The following CDH18 variants were observed in gnomAD, a reference collection of about 807,000 sequenced individuals.
CDH18 encodes cadherin-18.
Under a neutral mutation model 67.9 loss-of-function variants are expected in CDH18, and 31 were observed. The observed-to-expected ratio is 0.46, with a 90% CI of 0.34 to 0.62. CDH18 has a LOEUF of 0.62. Ranked by LOEUF, CDH18 falls within the 20% of genes least tolerant of loss-of-function variation. The probability of loss-of-function intolerance (pLI) is 0.01; values close to 1 mark genes in which losing one functional copy is unlikely to be tolerated. For missense variants in CDH18, 890 were observed against 975.5 expected (o/e 0.91, Z 1.17); for synonymous variants, 362 against 347.2 (o/e 1.04, Z -0.48).
At chr5:19,838,629 T>C in intron 3 of CDH18, 130 bp downstream of exon 3, 1 of 630,106 alleles carries the variant, frequency 1.6e-6, no homozygotes, top group Non-Finnish European at 2.8e-6. Context: ...TAGTAGTTTC[T>C]ATAGCGTAAT....
At chr5:20,170,467 A>T (rs1736610445) in intron 2 of CDH18, among the ~76,000 whole-genome samples, 1 of 152,118 alleles carries the variant, frequency 6.6e-6, no homozygotes, top group Admixed American at 6.6e-5. Context: ...TGGTAAAATT[A>T]AACTATCAGA....
intron 2 of CDH18, among the ~76,000 whole-genome samples, chr5:20,153,911 AC>A (rs1162229987): frequency 6.6e-6 from 1 of 152,164 alleles, no homozygotes; most frequent in East Asian, 1.9e-4. Context: ...GTAGGAGGAA[AC>A]CAGTCCATAA....
chr5:19,859,473 A>T (rs1391826250), intron 2 of CDH18, among the ~76,000 whole-genome samples: 1 of 151,840 alleles, frequency 6.6e-6, no homozygotes, highest in Admixed American at 6.6e-5. Context: ...CACATTCTGT[A>T]GAGAATCTCC....
intron 2 of CDH18, among the ~76,000 whole-genome samples, chr5:20,048,213 C>T (rs1281776377): frequency 1.3e-5 from 2 of 150,994 alleles, no homozygotes; most frequent in South Asian, 2.1e-4. Flanking sequence ...TACAATGGTG[C>T]CATATTTTCA....
intron 1 of CDH18, among the ~76,000 whole-genome samples, chr5:20,256,211 T>C (rs1009068039): frequency 2.6e-5 from 4 of 152,022 alleles, no homozygotes; most frequent in Non-Finnish European, 5.9e-5. Context: ...GATCGAAGTG[T>C]TAACATTGGA....
At chr5:20,446,434 A>G (rs1231418026) in intron 1 of CDH18, among the ~76,000 whole-genome samples, 1 of 152,108 alleles carries the variant, frequency 6.6e-6, no homozygotes, top group African/African-American at 2.4e-5. Flanking sequence ...GGGATCAAGA[A>G]CAAAGTCTGC....
chr5:20,320,934 T>C (rs994674572), intron 1 of CDH18, among the ~76,000 whole-genome samples: 1 of 152,064 alleles, frequency 6.6e-6, no homozygotes, highest in African/African-American at 2.4e-5. Flanking sequence ...TTGTAGCTGT[T>C]TGGGGTGGTG....
chr5:19,541,631 G>A (rs531889923), intron 9 of CDH18, among the ~76,000 whole-genome samples: 83 of 152,252 alleles, frequency 5.5e-4, no homozygotes, highest in African/African-American at 1.9e-3. Flanking sequence ...ATTACATGGC[G>A]GCAGGCAAGA....
intron 11 of CDH18, among the ~76,000 whole-genome samples, chr5:19,490,704 C>T (rs1054901904): frequency 5.9e-5 from 9 of 151,944 alleles, no homozygotes; most frequent in African/African-American, 1.5e-4. Context: ...TGGGCCACTG[C>T]GCCCAGCCAA....
At chr5:20,086,697 G>T (rs951216481) in intron 2 of CDH18, among the ~76,000 whole-genome samples, 23 of 152,122 alleles carry the variant, frequency 1.5e-4, no homozygotes, top group Non-Finnish European at 3.1e-4. Flanking sequence ...GATGACAGCA[G>T]GTCTGTTTAC....
At chr5:20,189,870 A>G (rs1738402077) in intron 2 of CDH18, among the ~76,000 whole-genome samples, 3 of 152,184 alleles carry the variant, frequency 2.0e-5, no homozygotes, top group Admixed American at 2.0e-4. Flanking sequence ...TCTATTCACT[A>G]TTCTTTATTA....
At chr5:20,016,754 T>C (rs1737916065) in intron 2 of CDH18, among the ~76,000 whole-genome samples, 1 of 152,126 alleles carries the variant, frequency 6.6e-6, no homozygotes, top group Admixed American at 6.5e-5. Context: ...TTTCAAGTTT[T>C]GTAAACCTCT....
At chr5:20,396,142 G>C (rs1046847016) in intron 1 of CDH18, among the ~76,000 whole-genome samples, 1 of 152,174 alleles carries the variant, frequency 6.6e-6, no homozygotes, top group African/African-American at 2.4e-5. Context: ...AGAAGTACAG[G>C]TCACAACCTG....
intron 1 of CDH18, among the ~76,000 whole-genome samples, chr5:20,372,047 AAGAAAC>A (rs1205856127): frequency 6.6e-6 from 1 of 152,210 alleles, no homozygotes; most frequent in African/African-American, 2.4e-5. Context: ...TGCATTGGTG[AAGAAAC>A]AGGCACCGAA....
chr5:20,488,700 T>TATATATATATATATATATATATATAC (rs369185147), intron 1 of CDH18, among the ~76,000 whole-genome samples: 13 of 137,298 alleles, frequency 9.5e-5, no homozygotes, highest in African/African-American at 3.5e-4. Flanking sequence ...TATATATATA[T>TATATATATATATATATATATATATAC]ACACACACAT....
intron 2 of CDH18, among the ~76,000 whole-genome samples, chr5:20,039,605 T>C (rs116819421): frequency 0.034 from 5,136 of 151,988 alleles, 255 homozygotes; most frequent in East Asian, 0.25. Context: ...GAAAGGATTC[T>C]CCATTTAACA....
At chr5:19,924,732 A>G (rs915885561) in intron 2 of CDH18, among the ~76,000 whole-genome samples, 3 of 152,226 alleles carry the variant, frequency 2.0e-5, no homozygotes, top group African/African-American at 4.8e-5. Flanking sequence ...AATTCTATGA[A>G]GTAGACAGGT....
intron 1 of CDH18, among the ~76,000 whole-genome samples, chr5:20,552,219 A>G (rs1004279805): frequency 6.6e-6 from 1 of 151,992 alleles, no homozygotes; most frequent in Non-Finnish European, 1.5e-5. Context: ...GCTCATGCCT[A>G]TAATAACAGC....
At chr5:19,941,395 A>G (rs1423233720) in intron 2 of CDH18, among the ~76,000 whole-genome samples, 1 of 152,082 alleles carries the variant, frequency 6.6e-6, no homozygotes, top group East Asian at 1.9e-4. Context: ...CACATAGCAC[A>G]TGTTTGGTTG....
Sources: gnomAD v4.1 joint callset for allele counts (sites outside exome capture counted in the v4.1 genomes callset) on GRCh38, gnomAD v4.1.1 for gene constraint, MANE v1.5 for transcripts, NCBI Gene and HGNC (gene_info 2026-07-23, HGNC 2026-07-21) for gene names.